The following PRAM1 variants were observed in gnomAD, a reference collection of about 807,000 sequenced individuals.
The protein encoded by PRAM1 is PML-RARA regulated adaptor molecule 1.
Under a neutral mutation model 55.3 loss-of-function variants are expected in PRAM1, and 41 were observed. The observed-to-expected ratio is 0.74, with a 90% CI of 0.58 to 0.96. The LOEUF is 0.96. PRAM1 is among the 40% of genes least tolerant of loss of function. The pLI, the probability that PRAM1 is intolerant of heterozygous loss-of-function variation, is 0.00. For missense variants in PRAM1, 898 were observed against 892.7 expected (o/e 1.01, Z -0.08); for synonymous variants, 401 against 387.1 (o/e 1.04, Z -0.42).
At chr19:8,496,451 G>A (rs1006322383) in intron 4 of PRAM1, among the ~76,000 whole-genome samples, 18 of 152,152 alleles carry the variant, frequency 1.2e-4, no homozygotes, top group Admixed American at 3.3e-4. Flanking sequence ...AAGGCCGGGC[G>A]CGGTGGCTCA....
At chr19:8,500,950 G>T (rs2145798201) in intron 1 of PRAM1, among the ~76,000 whole-genome samples, 1 of 152,082 alleles carries the variant, frequency 6.6e-6, no homozygotes, top group East Asian at 1.9e-4. Context: ...ATTTTAACTA[G>T]AGACAGGGTT....
Position 8,499,151 on chromosome 19 carries a change from A to G in PRAM1, c.657T>C (p.Pro219=). The change falls in exon 2 of 10, where the codon CCT becomes CCC. Residue 219 remains proline, a synonymous_variant. Coordinates refer to ENST00000423345, the MANE Select transcript of PRAM1 (RefSeq NM_032152.5). Reference sequence around the variant, plus strand: ...GCTTTTTGGGGTACACGTTGAACTCAGGCTGCGCAGGCTTCTTGGGAAAGG... The same window carrying G: ...GCTTTTTGGGGTACACGTTGAACTCGGGCTGCGCAGGCTTCTTGGGAAAGG... ...LSTFPKKPAQ[P]EFNVYPKKPP... 1 of 1,613,142 alleles carries G rather than the reference A, an allele frequency of 6.2e-7. No individual in the cohort carries two copies. Among genetic ancestry groups the G allele is most frequent in the Non-Finnish European group, 8.5e-7 (1 of 1,179,664 alleles).
At chr19:8,491,855 A>T (rs1489901859) in intron 4 of PRAM1, 2 of 152,878 alleles carry the variant, frequency 1.3e-5, no homozygotes, top group Admixed American at 1.3e-4. Flanking sequence ...CCAGCTGGTA[A>T]ATGGTAAAGG....
intron 4 of PRAM1, 93 bp downstream of exon 4, chr19:8,497,671 C>T: frequency 1.9e-6 from 2 of 1,039,660 alleles, no homozygotes; most frequent in Non-Finnish European, 2.9e-6. Flanking sequence ...GCCAGCAGGT[C>T]CTAAAATGTT....
chr19:8,498,077 A>G (rs1275106639), intron 3 of PRAM1, 146 bp downstream of exon 3: 1 of 884,356 alleles, frequency 1.1e-6, no homozygotes, highest in African/African-American at 1.7e-5. Flanking sequence ...ACGGGGTTTC[A>G]CCACGTTGGC....
Position 8,499,326 on chromosome 19 carries a change from C to G in PRAM1, c.482G>C (p.Gly161Ala). ...APLKASLPEP[G>A]APARKPLQPD... is the part of the protein sequence containing the mutation. The stretch of plus-strand genomic sequence containing the variant: ...CTGCAGGGGTTTCCGGGCCGGCGCA[C>G]CAGGCTCCGGCAGCGAGGCCTTCAA... The change falls in exon 2 of 10, where the codon GGT (glycine) becomes GCT (alanine). Residue 161 changes from glycine (G) to alanine (A), a missense_variant. Transcript: ENST00000423345. 1 of 1,610,486 alleles carries G rather than the reference C, an allele frequency of 6.2e-7. No individual in the cohort carries two copies. Among genetic ancestry groups the G allele is most frequent in the Non-Finnish European group, 8.5e-7 (1 of 1,178,736 alleles).
rs771127458 is a variant in PRAM1 at position 8,498,520 on chromosome 19, T to C, written c.1288A>G (p.Arg430Gly). The stretch of plus-strand genomic sequence containing the variant: ...GGATGGCTGGGTCTGAGGCCTGGCC[T>C]GGCCCCTCCACTGTGAACCAGGCCT... ...SGGLVHSGGA[R>G]PGLRPSHPPR... Residue 430 changes from arginine (R) to glycine (G), a missense_variant, in exon 2 of 10, where the codon AGG (arginine) becomes GGG (glycine). Around this residue, in one of 4 missense-constraint regions of PRAM1, gnomAD observed 787 missense variants for 735.4 expected, o/e 1.07. Transcript: ENST00000423345. 6.2e-6 allele frequency: 10 copies of C among 1,605,620 alleles called. No homozygotes were observed. The highest frequency in any genetic ancestry group is 3.4e-5 in the Admixed American group (2 of 59,542).
In PRAM1 at chr19:8,491,315, C is replaced by A. The variant is rs746853034; in HGVS notation, c.1577-158G>T. On this transcript the variant is annotated intron_variant, in intron 4 of 9. Transcript: ENST00000423345. Reference sequence around the variant, plus strand: ...ATGGCACAATCTCGGCTCACTGCAACCTTCGCCTCCTGGGTTCAAGCGATT... The same window carrying A: ...ATGGCACAATCTCGGCTCACTGCAAACTTCGCCTCCTGGGTTCAAGCGATT... 6 of 731,062 alleles carry A rather than the reference C, an allele frequency of 8.2e-6. No individual in the cohort carries two copies. In the African/African-American group the frequency reaches 8.8e-5, roughly 11 times the overall value. 45.3% of individuals were successfully genotyped at this position (731,062 alleles called of 1,614,324 possible). A position where few individuals can be genotyped will look rare whatever the true frequency, so the allele number is the denominator to read the frequency against.
At position 8,498,972 on chromosome 19, in the gene PRAM1, C is replaced by T. The variant is rs777904097; in HGVS notation, c.836G>A (p.Ser279Asn). The T allele has an allele frequency of 6.8e-6, 11 of 1,613,512 alleles. No individual in the cohort carries two copies. The highest frequency in any genetic ancestry group is 5.0e-5 in the Admixed American group (3 of 59,986). ...FPKKASQPPL[S>N]DFPKKPPQPE... Reference sequence around the variant, plus strand: ...CTGCGGAGGCTTCTTGGGAAAGTCACTCAGCGGAGGCTGGGAGGCCTTTTT... The same window carrying T: ...CTGCGGAGGCTTCTTGGGAAAGTCATTCAGCGGAGGCTGGGAGGCCTTTTT... The change falls in exon 2 of 10, where the codon AGT becomes AAT. Residue 279 changes from serine (S) to asparagine (N), a missense_variant. By Grantham distance (46) the Ser-to-Asn change is conservative (BLOSUM62 1). Transcript: ENST00000423345.
chr19:8,498,293 TG>T lies in PRAM1; in HGVS notation c.1433-5del. ...GCCGAGCGGGTCCTCCGTAGATCTG[TG>T]GGGTAGAGAGTAGGGCAGGGAAGCC... On this transcript the variant is annotated splice_polypyrimidine_tract_variant and splice_region_variant and intron_variant, in intron 2 of 9. Coordinates refer to ENST00000423345, the MANE Select transcript of PRAM1 (RefSeq NM_032152.5). 1 of 1,611,348 alleles carries T rather than the reference TG, an allele frequency of 6.2e-7. No individual in the cohort carries two copies. Among genetic ancestry groups the T allele is most frequent in the Non-Finnish European group, 8.5e-7 (1 of 1,179,162 alleles).
At chr19:8,496,393 G>A (rs1041826538) in intron 4 of PRAM1, among the ~76,000 whole-genome samples, 4 of 151,488 alleles carry the variant, frequency 2.6e-5, no homozygotes, top group African/African-American at 7.3e-5. Flanking sequence ...CAGCCTGGGC[G>A]ATAACAGAGC....
rs142791911 is a variant in PRAM1, at chr19:8,499,789, C to G, written c.28-9G>C. On this transcript the variant is annotated splice_polypyrimidine_tract_variant and intron_variant, in intron 1 of 9. Transcript: ENST00000423345. ...AAGTCCTGATGGCTCTCCTAGGAGA[C>G]GCAGAGCCAATGAGGCAGGGGCTCA... is the stretch of plus-strand genomic sequence containing the variant. 3.0e-5 allele frequency: 47 copies of G among 1,581,422 alleles called. No homozygotes were observed. The East Asian group carries it at 9.9e-4, about 33-fold the overall frequency.
rs749889447 is a variant in PRAM1 at position 8,499,341 on chromosome 19, G to A, written c.467C>T (p.Ser156Leu). The change falls in exon 2 of 10, where the codon TCG becomes TTG. Residue 156 changes from serine to leucine, a missense_variant. Physicochemically the swap from Ser to Leu is moderately radical, Grantham distance 145. This residue lies in a region of PRAM1 where 787 missense variants were observed against 735.4 expected (regional missense o/e 1.07). Transcript: ENST00000423345. ...GGCCGGCGCACCAGGCTCCGGCAGCGAGGCCTTCAAAGGGGCCTCACCGAC... is the reference window on the plus strand; with the variant it reads ...GGCCGGCGCACCAGGCTCCGGCAGCAAGGCCTTCAAAGGGGCCTCACCGAC... ...PEVGEAPLKA[S>L]LPEPGAPARK... 8 of 1,611,682 alleles carry A rather than the reference G, an allele frequency of 5.0e-6. No homozygotes were observed. Among genetic ancestry groups the A allele is most frequent in the Admixed American group, 1.7e-5 (1 of 59,608 alleles).
chr19:8,498,319 C>T lies in PRAM1; in HGVS notation c.1433-30G>A, dbSNP rs765205468. ...GGGGTAGAGAGTAGGGCAGGGAAGCCGGCACTGCCTGGGACCTCAGCCCCC... is the reference window on the plus strand; with the variant it reads ...GGGGTAGAGAGTAGGGCAGGGAAGCTGGCACTGCCTGGGACCTCAGCCCCC... On this transcript the variant is annotated intron_variant, in intron 2 of 9. Coordinates refer to ENST00000423345, the MANE Select transcript of PRAM1 (RefSeq NM_032152.5). 116 of 1,604,666 alleles carry T rather than the reference C, an allele frequency of 7.2e-5. No individual in the cohort carries two copies. The Admixed American group carries it at 7.9e-4, about 11-fold the overall frequency.
At position 8,490,205 on chromosome 19, in the gene PRAM1, A is replaced by G. The variant is rs754538247; in HGVS notation, c.1997T>C (p.Leu666Pro). The stretch of plus-strand genomic sequence containing the variant: ...CTACCGGTCTTACCGTCCCAGGGGG[A>G]GTGGTTGGTTTTCCAGGGGATCTGC... ...DFCDPLENQPLPLGR is the reference protein window; with the variant it reads ...DFCDPLENQPPPLGR Residue 666 changes from leucine (L) to proline (P), a missense_variant, in exon 10 of 10, where the codon CTC (leucine) becomes CCC (proline). Transcript: ENST00000423345. The surrounding 1 kb of genome is among the most constrained non-coding windows in gnomAD (Gnocchi z 7.3). 8.8e-6 allele frequency: 14 copies of G among 1,591,152 alleles called. No individual in the cohort carries two copies. The highest frequency in any genetic ancestry group is 1.1e-5 in the South Asian group (1 of 87,270).
Position 8,490,233 on chromosome 19 carries a change from A to G in PRAM1, c.1976-7T>C. ...GGTTGGTTTTCCAGGGGATCTGCCG[A>G]GGAAGCGTGACTTCCATGGACCCCT... On this transcript the variant is annotated splice_polypyrimidine_tract_variant and splice_region_variant and intron_variant, in intron 9 of 9. Transcript: ENST00000423345. This position sits in a 1 kb window ranked among gnomAD's most constrained non-coding sequence, Gnocchi z 7.3. 1 of 1,606,722 alleles carries G rather than the reference A, an allele frequency of 6.2e-7. No homozygotes were observed. The highest frequency in any genetic ancestry group is 1.1e-5 in the South Asian group (1 of 90,162).
At chr19:8,497,300 T>A (rs1172741111) in intron 4 of PRAM1, among the ~76,000 whole-genome samples, 1 of 151,196 alleles carries the variant, frequency 6.6e-6, no homozygotes, top group Non-Finnish European at 1.5e-5. Context: ...TGTCTCAGCA[T>A]CCCAAATAGC....
chr19:8,498,412 T>C lies in PRAM1; in HGVS notation c.1396A>G (p.Met466Val), dbSNP rs759486443. 6.3e-7 allele frequency: 1 copy of C among 1,579,066 alleles called. No individual in the cohort carries two copies. The highest frequency in any genetic ancestry group is 8.6e-7 in the Non-Finnish European group (1 of 1,160,694). Reference protein sequence around the residue: ...KPPLPPGPVDMQSFRRPSAAS... With the variant: ...KPPLPPGPVDVQSFRRPSAAS... Reference sequence around the variant, plus strand: ...GCAGAGGGTCTCCGAAAGCTCTGCATATCCACGGGCCCCGGGGGCAGCGGG... The same window carrying C: ...GCAGAGGGTCTCCGAAAGCTCTGCACATCCACGGGCCCCGGGGGCAGCGGG... Residue 466 changes from methionine to valine, a missense_variant, in exon 2 of 10, where the codon ATG becomes GTG. Met to Val is a conservative substitution (Grantham distance 21, BLOSUM62 1). Transcript: ENST00000423345.
intron 4 of PRAM1, among the ~76,000 whole-genome samples, chr19:8,494,712 A>G (rs1232113067): frequency 1.3e-5 from 2 of 151,068 alleles, no homozygotes; most frequent in Non-Finnish European, 3.0e-5. Flanking sequence ...GCTTACTGCA[A>G]CCCCTGCCTC....
Sources: gnomAD v4.1 joint callset for allele counts (sites outside exome capture counted in the v4.1 genomes callset) on GRCh38, gnomAD v4.1.1 for gene constraint, gnomAD v4.1.1 regional missense constraint, Gnocchi (gnomAD v3.1) non-coding constraint, MANE v1.5 for transcripts, NCBI Gene and HGNC (gene_info 2026-07-23, HGNC 2026-07-21) for gene names.